Variants in PLB1 observed in about 807,000 individuals in gnomAD.
The protein encoded by PLB1 is phospholipase B1, membrane-associated.
In PLB1, 242 loss-of-function variants were observed where a neutral mutation model predicts 227.4. The ratio of observed to expected loss-of-function variants is 1.06; its 90% CI spans 0.96 to 1.18. PLB1 has a LOEUF of 1.18. PLB1 is among the 50% of genes most tolerant of loss of function. The probability of loss-of-function intolerance (pLI) is 0.00; values close to 1 mark genes in which losing one functional copy is unlikely to be tolerated. For missense variants in PLB1, 1,858 were observed against 1,816.3 expected (o/e 1.02, Z -0.42); for synonymous variants, 757 against 682.2 (o/e 1.11, Z -1.71).
In PLB1 at chr2:28,522,590, A is replaced by G. The variant is rs150121676; in HGVS notation, c.244-2677A>G. ...ACTCTCGGGTCCTTCTGCCTGGGGC[A>G]GGGAAATCTCCGCCCAGCGTTGGTC... is the stretch of plus-strand genomic sequence containing the variant. On this transcript the variant is annotated intron_variant, in intron 4 of 57. Transcript: ENST00000327757. 1.4e-4 allele frequency among the ~76,000 whole-genome samples: 21 copies of G among 152,274 alleles called. No homozygotes were observed. The East Asian group carries it at 4.1e-3, about 29-fold the overall frequency.
At chr2:28,629,023 T>C in intron 52 of PLB1, 71 bp from the exon 53 acceptor site, 1 of 1,302,928 alleles carries the variant, frequency 7.7e-7, no homozygotes, top group South Asian at 1.3e-5. Context: ...GGGAATTGGA[T>C]TGTAGATGAC....
intron 11 of PLB1, 144 bp from the exon 12 acceptor site, chr2:28,540,222 A>C (rs1313755481): frequency 1.5e-6 from 1 of 661,008 alleles, no homozygotes; most frequent in Admixed American, 2.3e-5. Flanking sequence ...CTCAACATTT[A>C]TGTCCTCTAA....
At chr2:28,532,284 G>A in intron 9 of PLB1, 90 bp downstream of exon 9, 2 of 1,018,236 alleles carry the variant, frequency 2.0e-6, no homozygotes, top group Non-Finnish European at 3.0e-6. Flanking sequence ...ATCCCCAGCT[G>A]TCAGGATGGG....
In PLB1 at chr2:28,547,218, A is replaced by AAAG. The variant is rs1553418236; in HGVS notation, c.937-1640_937-1639insGAA. Among the ~76,000 whole-genome samples the AAAG allele has an allele frequency of 9.2e-3, 833 of 90,664 alleles. 13 individuals carry two copies. The highest frequency in any genetic ancestry group is 0.027 in the Admixed American group (231 of 8,404). The allele number at this position is 90,664 out of a possible 152,430, so 59.5% of individuals were successfully genotyped here. A position where few individuals can be genotyped will look rare whatever the true frequency, so the allele number is the denominator to read the frequency against. ...CCCTGTCTCCAAAAAAAAAAAAAAG[A>AAAG]AAAAAAAAAAATTGGGGAAGAGAAG... is the stretch of plus-strand genomic sequence containing the variant. On this transcript the variant is annotated intron_variant, in intron 14 of 57. Transcript: ENST00000327757.
chr2:28,602,781 G>A, intron 38 of PLB1, 40 bp from the exon 39 acceptor site: 2 of 1,570,716 alleles, frequency 1.3e-6, no homozygotes, highest in Non-Finnish European at 8.8e-7. Context: ...CCAGGAAGAA[G>A]TGCCTGGAGC....
At chr2:28,633,315 C>G (rs1349325076) in intron 56 of PLB1, 3 of 430,744 alleles carry the variant, frequency 7.0e-6, no homozygotes, top group Non-Finnish European at 1.3e-5. Flanking sequence ...CCTTTGTAAT[C>G]AGATAGGTTG....
At chr2:28,601,513 C>A (rs1395055774) in intron 37 of PLB1, among the ~76,000 whole-genome samples, 181 bp downstream of exon 37, 1 of 148,930 alleles carries the variant, frequency 6.7e-6, no homozygotes, top group African/African-American at 2.6e-5. Context: ...CTTACCCCAC[C>A]ACCCTCCAGG....
rs543467257 is a variant in PLB1, at chr2:28,620,406, C to T, written c.3383+74C>T. 4.4e-5 allele frequency: 64 copies of T among 1,440,010 alleles called. No homozygotes were observed. The African/African-American group carries it at 8.8e-4, about 20-fold the overall frequency. 89.2% of individuals were successfully genotyped at this position (1,440,010 alleles called of 1,614,324 possible). A position where few individuals can be genotyped will look rare whatever the true frequency, so the allele number is the denominator to read the frequency against. ...GGTGTGAGTAGTGTGTTTCCTGTCA[C>T]CCCTCCAGGGATGCAGTTGGGTCCC... is the stretch of plus-strand genomic sequence containing the variant. On this transcript the variant is annotated intron_variant, in intron 47 of 57. Coordinates refer to ENST00000327757, the MANE Select transcript of PLB1 (RefSeq NM_153021.5).
At chr2:28,498,131 A>G (rs1002710448) in intron 1 of PLB1, among the ~76,000 whole-genome samples, 2 of 151,782 alleles carry the variant, frequency 1.3e-5, no homozygotes, top group Non-Finnish European at 2.9e-5. Flanking sequence ...TTTCCTTCTA[A>G]AAGCTTTATA....
chr2:28,578,057 C>T (rs1485899872), intron 21 of PLB1, 50 bp from the exon 22 acceptor site: 4 of 1,572,644 alleles, frequency 2.5e-6, no homozygotes, highest in Non-Finnish European at 3.5e-6. Flanking sequence ...TGCTAAGGGC[C>T]CCTGCCAGTC....
rs1020503327 is a variant in PLB1, at chr2:28,642,898, T to C, written c.4214T>C (p.Leu1405Pro). The change falls in exon 58 of 58, where the codon CTC becomes CCC. Residue 1405 changes from leucine to proline, a missense_variant. By Grantham distance (98) the Leu-to-Pro change is moderately conservative. Transcript: ENST00000327757. Reference sequence around the variant, plus strand: ...TACACCCTGCGGAACAGCCGATTGCTCCCAGACCAGGCTGAAGAAGCCCCC... The same window carrying C: ...TACACCCTGCGGAACAGCCGATTGCCCCCAGACCAGGCTGAAGAAGCCCCC... The part of the protein sequence containing the change: ...YLYTLRNSRL[L>P]PDQAEEAPEV... 2 of 1,608,314 alleles carry C rather than the reference T, an allele frequency of 1.2e-6. No individual in the cohort carries two copies. Among genetic ancestry groups the C allele is most frequent in the South Asian group, 1.1e-5 (1 of 89,628 alleles).
chr2:28,613,943 C>G, intron 43 of PLB1, 88 bp from the exon 44 acceptor site: 1 of 1,042,426 alleles, frequency 9.6e-7, no homozygotes, highest in Non-Finnish European at 1.5e-6. Flanking sequence ...TTAAATAAAT[C>G]TACAGGGCAG....
chr2:28,582,268 A>C, intron 24 of PLB1, 135 bp downstream of exon 24: 3 of 1,216,150 alleles, frequency 2.5e-6, no homozygotes, highest in Non-Finnish European at 3.6e-6. Context: ...GAGGGGGAGC[A>C]GGGACGGGTG....
At chr2:28,510,875 A>C (rs1668173497) in intron 1 of PLB1, among the ~76,000 whole-genome samples, 1 of 150,310 alleles carries the variant, frequency 6.7e-6, no homozygotes, top group African/African-American at 2.5e-5. Flanking sequence ...TAATCCTTCC[A>C]CCTCGGTCTC....
At chr2:28,539,425 A>T (rs1293755873) in intron 11 of PLB1, among the ~76,000 whole-genome samples, 2 of 152,214 alleles carry the variant, frequency 1.3e-5, no homozygotes, top group Admixed American at 6.5e-5. Flanking sequence ...ATTCTGGTTG[A>T]TGTTGTGCCA....
intron 43 of PLB1, among the ~76,000 whole-genome samples, chr2:28,610,314 CT>C (rs34563648): frequency 0.12 from 18,193 of 146,030 alleles, 1,238 homozygotes; most frequent in African/African-American, 0.19. Flanking sequence ...AGAACCAGCA[CT>C]TTTTTTTTTT....
In PLB1 at chr2:28,565,311, A is replaced by T. The variant is rs559798563; in HGVS notation, c.1238A>T (p.Asn413Ile). The change falls in exon 19 of 58, where the codon AAC becomes ATC. Residue 413 changes from asparagine to isoleucine, a missense_variant. Physicochemically the swap from Asn to Ile is moderately radical, Grantham distance 149 (BLOSUM62 -3). Coordinates refer to ENST00000327757, the MANE Select transcript of PLB1 (RefSeq NM_153021.5). ...AGNGAGSTPG[N>I]VLDVLTQYRG... ...AATGGGGCCGGGTCCACACCTGGGA[A>T]CGTCTTGGACGTCTTGACTCAGTAC... 3.1e-6 allele frequency: 5 copies of T among 1,611,642 alleles called. No homozygotes were observed. The African/African-American group carries it at 5.3e-5, about 17-fold the overall frequency.
At chr2:28,631,785 C>G (rs911298332) in intron 54 of PLB1, among the ~76,000 whole-genome samples, 2 of 152,234 alleles carry the variant, frequency 1.3e-5, no homozygotes, top group Non-Finnish European at 2.9e-5. Flanking sequence ...AGCTAGGGAG[C>G]TTCTCCCACC....
At chr2:28,606,599 C>T in intron 43 of PLB1, 32 bp downstream of exon 43, 1 of 1,597,494 alleles carries the variant, frequency 6.3e-7, no homozygotes, top group Non-Finnish European at 8.6e-7. Flanking sequence ...GGCTCCTCTC[C>T]ACAAACCAGG....
Sources: gnomAD v4.1 joint callset for allele counts (sites outside exome capture counted in the v4.1 genomes callset) on GRCh38, gnomAD v4.1.1 for gene constraint, MANE v1.5 for transcripts, NCBI Gene and HGNC (gene_info 2026-07-23, HGNC 2026-07-21) for gene names.